Variants in GRID2 observed in about 807,000 individuals in gnomAD.
The protein encoded by GRID2 is glutamate receptor ionotropic, delta-2.
A neutral mutation model predicts 114.8 loss-of-function variants in GRID2; 33 were observed. The ratio of observed to expected loss-of-function variants is 0.29; its 90% CI spans 0.22 to 0.38. GRID2 has a LOEUF of 0.38. Ranked by LOEUF, GRID2 falls within the 10% of genes least tolerant of loss-of-function variation. The pLI is 1.00. For missense variants in GRID2, 1,184 were observed against 1,257.7 expected, an observed-to-expected ratio of 0.94 and a Z score of 0.89; for synonymous variants, 505 against 449.9, an observed-to-expected ratio of 1.12 and a Z score of -1.55.
chr4:93,548,186 A>C (rs1007868339), intron 13 of GRID2, among the ~76,000 whole-genome samples: 5 of 152,182 alleles, frequency 3.3e-5, no homozygotes, highest in Admixed American at 6.5e-5. Flanking sequence ...CAATTAAAAA[A>C]AAAGAAAAAA....
At chr4:92,861,589 T>G (rs1053845927) in intron 2 of GRID2, among the ~76,000 whole-genome samples, 3 of 152,082 alleles carry the variant, frequency 2.0e-5, no homozygotes, top group Non-Finnish European at 4.4e-5. Context: ...TTTTTAAATT[T>G]TGTCTTCCTT....
At chr4:93,546,620 T>C (rs1733241668) in intron 13 of GRID2, among the ~76,000 whole-genome samples, 1 of 152,164 alleles carries the variant, frequency 6.6e-6, no homozygotes, top group African/African-American at 2.4e-5. Flanking sequence ...GTGAACAATT[T>C]TTCTATCTGT....
In GRID2 at chr4:92,452,756, T is replaced by C. The variant is rs902385271; in HGVS notation, c.89-137375T>C. On this transcript the variant is annotated intron_variant, in intron 1 of 15. Coordinates refer to ENST00000282020, the MANE Select transcript of GRID2 (RefSeq NM_001510.4). The stretch of plus-strand genomic sequence containing the variant: ...GAAGTACTTAATAATAGTTTGTGAA[T>C]TGTTACCTGCCCGTTCATGAGTAGA... Among the ~76,000 whole-genome samples the C allele has an allele frequency of 2.6e-5, 4 of 151,288 alleles. 1 individual carries two copies. The Middle Eastern group carries it at 0.01, about 397-fold the overall frequency.
intron 2 of GRID2, among the ~76,000 whole-genome samples, chr4:92,904,398 G>A (rs557357364): frequency 4.0e-5 from 6 of 151,134 alleles, no homozygotes; most frequent in African/African-American, 1.5e-4. Flanking sequence ...TATTTATTTT[G>A]CACTCACAGT....
At chr4:92,540,852 A>C (rs2149162330) in intron 1 of GRID2, among the ~76,000 whole-genome samples, 1 of 152,286 alleles carries the variant, frequency 6.6e-6, no homozygotes, top group African/African-American at 2.4e-5. Flanking sequence ...ACATATGTTT[A>C]TTGCGGCACT....
chr4:92,910,759 C>T lies in GRID2; in HGVS notation c.245-174236C>T, dbSNP rs1419414009. On this transcript the variant is annotated intron_variant, in intron 2 of 15. Coordinates refer to ENST00000282020, the MANE Select transcript of GRID2 (RefSeq NM_001510.4). ...GTGTGGCACTTGCATATAACCTATG[C>T]ATATACTCCTGTATACTTTAAATCA... is the stretch of plus-strand genomic sequence containing the variant. Among the ~76,000 whole-genome samples the T allele has an allele frequency of 3.9e-5, 6 of 152,170 alleles. No homozygotes were observed. In the East Asian group the frequency reaches 1.2e-3, roughly 29 times the overall value.
intron 1 of GRID2, among the ~76,000 whole-genome samples, chr4:92,445,167 A>G (rs1033018793): frequency 1.3e-5 from 2 of 152,364 alleles, no homozygotes; most frequent in Non-Finnish European, 2.9e-5. Flanking sequence ...TAACAGTGCT[A>G]CAAAGTAGAT....
chr4:93,167,978 G>T (rs950506727), intron 4 of GRID2, among the ~76,000 whole-genome samples: 1 of 151,998 alleles, frequency 6.6e-6, no homozygotes, highest in African/African-American at 2.4e-5. Context: ...TGCATCACTT[G>T]AGGTCATGGA....
intron 1 of GRID2, among the ~76,000 whole-genome samples, chr4:92,383,573 A>C (rs1181683238): frequency 6.6e-6 from 1 of 151,928 alleles, no homozygotes; most frequent in Non-Finnish European, 1.5e-5. Context: ...TAATGGGACT[A>C]GTTTTCCCAG....
intron 2 of GRID2, among the ~76,000 whole-genome samples, chr4:92,739,309 G>A (rs1736756849): frequency 6.6e-6 from 1 of 152,066 alleles, no homozygotes; most frequent in African/African-American, 2.4e-5. Context: ...TTCAAATTAT[G>A]TCAGACTTTT....
intron 8 of GRID2, among the ~76,000 whole-genome samples, chr4:93,340,530 G>GT (rs1759543823): frequency 6.6e-6 from 1 of 152,020 alleles, no homozygotes; most frequent in African/African-American, 2.4e-5. Flanking sequence ...GTTGTTTTGT[G>GT]TAAGTGTATT....
chr4:92,784,606 A>G (rs1739233464), intron 2 of GRID2, among the ~76,000 whole-genome samples: 1 of 151,986 alleles, frequency 6.6e-6, no homozygotes, highest in African/African-American at 2.4e-5. Context: ...TTATCAGAAA[A>G]TATGAAATGA....
rs185404932 is a variant in GRID2 at position 92,684,533 on chromosome 4, T to A, written c.244+94247T>A. ...AACATCATGTTAGGATTATTTTAAA[T>A]TTAATGGGTCTGTATTTGTGAATTA... is the stretch of plus-strand genomic sequence containing the variant. On this transcript the variant is annotated intron_variant, in intron 2 of 15. Coordinates refer to ENST00000282020, the MANE Select transcript of GRID2 (RefSeq NM_001510.4). Among the ~76,000 whole-genome samples the A allele has an allele frequency of 2.3e-3, 346 of 152,176 alleles. 1 individual carries two copies. The highest frequency in any genetic ancestry group is 0.018 in the East Asian group (94 of 5,190).
At chr4:92,750,470 A>G (rs1177064101) in intron 2 of GRID2, among the ~76,000 whole-genome samples, 2 of 136,928 alleles carry the variant, frequency 1.5e-5, no homozygotes, top group African/African-American at 3.0e-5. Flanking sequence ...GTTAAAGAAC[A>G]TGTCCATATT....
chr4:93,029,025 C>T (rs1391088547), intron 2 of GRID2, among the ~76,000 whole-genome samples: 1 of 151,972 alleles, frequency 6.6e-6, no homozygotes, highest in African/African-American at 2.4e-5. Context: ...GAATTTCTTA[C>T]AATTTTAGAT....
intron 4 of GRID2, among the ~76,000 whole-genome samples, chr4:93,152,275 A>G (rs923360396): frequency 6.6e-6 from 1 of 152,180 alleles, no homozygotes; most frequent in Non-Finnish European, 1.5e-5. Context: ...AGACTTCACC[A>G]GGTTTGGTAC....
chr4:93,362,591 T>A (rs760462552), intron 8 of GRID2, among the ~76,000 whole-genome samples: 36 of 152,130 alleles, frequency 2.4e-4, no homozygotes, highest in Non-Finnish European at 4.1e-4. Context: ...CCTTCCATAG[T>A]GCCTTAAAGC....
At chr4:92,693,460 C>A (rs919040318) in intron 2 of GRID2, among the ~76,000 whole-genome samples, 2 of 152,290 alleles carry the variant, frequency 1.3e-5, no homozygotes, top group Non-Finnish European at 2.9e-5. Flanking sequence ...GGTTTACATA[C>A]TAAAAATAAT....
intron 8 of GRID2, among the ~76,000 whole-genome samples, chr4:93,343,465 A>G (rs1461006517): frequency 1.3e-5 from 2 of 152,096 alleles, no homozygotes; most frequent in Non-Finnish European, 2.9e-5. Flanking sequence ...TAAGACATTC[A>G]TTATTTCCCA....
Sources: gnomAD v4.1 joint callset for allele counts (sites outside exome capture counted in the v4.1 genomes callset) on GRCh38, gnomAD v4.1.1 for gene constraint, MANE v1.5 for transcripts, NCBI Gene and HGNC (gene_info 2026-07-23, HGNC 2026-07-21) for gene names.